The following STIM1 variants were observed in gnomAD, a reference collection of about 807,000 sequenced individuals.
STIM1 encodes the protein stromal interaction molecule 1.
In STIM1, 25 loss-of-function variants were observed where a neutral mutation model predicts 74.7. The ratio of observed to expected loss-of-function variants is 0.33; its 90% CI spans 0.24 to 0.47. The LOEUF (loss-of-function observed/expected upper bound fraction) is 0.47. Among genes scored for constraint, STIM1 ranks in the 20% least tolerant of loss-of-function variants. STIM1 has a pLI of 1.00. For missense variants in STIM1, 728 were observed against 920.8 expected (o/e 0.79, Z 2.71); for synonymous variants, 328 against 348.8 (o/e 0.94, Z 0.66).
In STIM1 at chr11:4,082,337, G is replaced by C. The variant is rs755359690; in HGVS notation, c.1123G>C (p.Val375Leu). The C allele has an allele frequency of 6.2e-6, 10 of 1,612,508 alleles. No homozygotes were observed. Among genetic ancestry groups the C allele is most frequent in the Middle Eastern group, 1.9e-4 (1 of 5,354 alleles). The change falls in exon 8 of 13, where the codon GTG (valine) becomes CTG (leucine). Residue 375 changes from valine (V) to leucine (L), a missense_variant. This residue lies in a region of STIM1 where 131 missense variants were observed against 235.9 expected (regional missense o/e 0.56). Transcript: ENST00000526596. ...GCAAAATGCTGAGAAGCAGCTGCTG[G>C]TGGCCAAGGAGGGGGTGAGAACAGC... The part of the protein sequence containing the change: ...KKQNAEKQLL[V>L]AKEGAEKIKK...
intron 2 of STIM1, among the ~76,000 whole-genome samples, chr11:4,019,309 T>C (rs892548335): frequency 2.0e-5 from 3 of 152,102 alleles, no homozygotes; most frequent in African/African-American, 7.2e-5. Flanking sequence ...GCTGTTTTTT[T>C]CTTTATTTAA....
At chr11:3,863,660 G>T (rs1296084005) in intron 1 of STIM1, among the ~76,000 whole-genome samples, 2 of 152,054 alleles carry the variant, frequency 1.3e-5, no homozygotes, top group African/African-American at 2.4e-5. Context: ...GTCCTGCTCT[G>T]TCCTGCCCAG....
chr11:4,085,492 C>T (rs2094488547), intron 11 of STIM1, among the ~76,000 whole-genome samples: 1 of 152,226 alleles, frequency 6.6e-6, no homozygotes, highest in Admixed American at 6.5e-5. Context: ...CCCCGATTTG[C>T]AGCCTGATCC....
intron 3 of STIM1, among the ~76,000 whole-genome samples, chr11:4,050,145 G>A (rs1365889103): frequency 6.6e-6 from 1 of 152,320 alleles, no homozygotes; most frequent in Non-Finnish European, 1.5e-5. Context: ...CTTCAGCCTT[G>A]ATTTGGGTTA....
chr11:3,932,041 G>C (rs1415305001), intron 1 of STIM1, among the ~76,000 whole-genome samples: 1 of 152,130 alleles, frequency 6.6e-6, no homozygotes, highest in Non-Finnish European at 1.5e-5. Flanking sequence ...TGTTGCTCCT[G>C]GGCTGTGTGG....
intron 3 of STIM1, among the ~76,000 whole-genome samples, chr11:4,048,114 C>G (rs182063775): frequency 6.6e-6 from 1 of 152,300 alleles, no homozygotes; most frequent in African/African-American, 2.4e-5. Flanking sequence ...GCCACCGTGC[C>G]TGGCCAAGAC....
At chr11:3,892,291 C>G in intron 1 of STIM1, 3 of 731,510 alleles carry the variant, frequency 4.1e-6, no homozygotes, top group Non-Finnish European at 7.1e-6. Context: ...AGCAAGAGCA[C>G]AAAGATTCAA....
chr11:3,997,481 CCT>C (rs2093673274), intron 2 of STIM1, among the ~76,000 whole-genome samples: 2 of 151,858 alleles, frequency 1.3e-5, no homozygotes, highest in African/African-American at 4.8e-5. Context: ...ATATCGAAAC[CCT>C]GTCTCTAAAA....
At chr11:3,993,625 C>T (rs1051402004) in intron 2 of STIM1, among the ~76,000 whole-genome samples, 4 of 152,120 alleles carry the variant, frequency 2.6e-5, no homozygotes, top group African/African-American at 9.7e-5. Context: ...CACTGCACTC[C>T]AGCCTGGGCG....
chr11:3,952,179 C>T (rs995532380), intron 1 of STIM1, among the ~76,000 whole-genome samples: 6 of 151,886 alleles, frequency 4.0e-5, no homozygotes, highest in East Asian at 1.9e-4. Flanking sequence ...TTTGGGAGGC[C>T]GAAGTGGTGG....
chr11:3,918,525 C>T (rs1354126183), intron 1 of STIM1, among the ~76,000 whole-genome samples: 1 of 99,176 alleles, frequency 1.0e-5, no homozygotes, highest in Non-Finnish European at 2.0e-5. Flanking sequence ...GACAGTCAGA[C>T]ACTGTCTCAA....
intron 3 of STIM1, among the ~76,000 whole-genome samples, chr11:4,053,925 A>T (rs982200229): frequency 1.3e-5 from 2 of 152,178 alleles, no homozygotes; most frequent in Middle Eastern, 3.2e-3. Flanking sequence ...GATTATCTTG[A>T]CCAGTGCTGT....
At chr11:3,989,031 C>T (rs1196994606) in intron 2 of STIM1, 2 of 952,556 alleles carry the variant, frequency 2.1e-6, no homozygotes, top group African/African-American at 3.3e-5. Context: ...GGTGGGATTC[C>T]CTCCTTCTTA....
intron 3 of STIM1, among the ~76,000 whole-genome samples, chr11:4,040,167 T>A (rs2094137548): frequency 6.6e-6 from 1 of 152,202 alleles, no homozygotes. Context: ...TAGAAGGTAG[T>A]GTTTTTCTCC....
intron 4 of STIM1, among the ~76,000 whole-genome samples, chr11:4,056,682 C>T (rs556044989): frequency 9.2e-5 from 14 of 152,338 alleles, no homozygotes; most frequent in African/African-American, 3.4e-4. Context: ...GCTGGCTGTT[C>T]CCTCCTCTGC....
In STIM1 at chr11:4,055,750, C is replaced by T. The variant is rs970159274; in HGVS notation, c.497+113C>T. 2.4e-5 allele frequency: 18 copies of T among 736,040 alleles called. 1 individual carries two copies. The highest frequency in any genetic ancestry group is 7.2e-5 in the South Asian group (4 of 55,502). 45.6% of individuals were successfully genotyped at this position (736,040 alleles called of 1,614,324 possible). On this transcript the variant is annotated intron_variant, in intron 4 of 12. Coordinates refer to ENST00000526596, the MANE Select transcript of STIM1 (RefSeq NM_001382567.1). ...TGAGGTTCTGCCTTTTTCAGGGCAG[C>T]GTCTATAGATCTTGCCTCTTCTCAC...
chr11:3,932,786 A>G (rs2092885391), intron 1 of STIM1, among the ~76,000 whole-genome samples: 3 of 152,104 alleles, frequency 2.0e-5, no homozygotes, highest in Admixed American at 2.0e-4. Flanking sequence ...GGCCCTCGCC[A>G]GACACTGAAT....
chr11:3,941,713 G>T (rs2093013282), intron 1 of STIM1, among the ~76,000 whole-genome samples: 1 of 150,782 alleles, frequency 6.6e-6, no homozygotes, highest in South Asian at 2.1e-4. Context: ...GTGTGTCTCA[G>T]TGTCACTGTG....
intron 2 of STIM1, among the ~76,000 whole-genome samples, chr11:4,015,698 G>T (rs1202603948): frequency 6.6e-6 from 1 of 151,994 alleles, no homozygotes; most frequent in East Asian, 1.9e-4. Context: ...ACGTAGATTT[G>T]GTCTTTTCAC....
Sources: allele counts gnomAD v4.1 joint callset (sites outside exome capture counted in the v4.1 genomes callset), GRCh38; gene constraint gnomAD v4.1.1; regional missense constraint gnomAD v4.1.1; transcripts MANE v1.5; gene names NCBI Gene and HGNC (gene_info 2026-07-23, HGNC 2026-07-21).